Variants in ADAM22 observed in about 807,000 individuals in gnomAD.
The protein encoded by ADAM22 is disintegrin and metalloproteinase domain-containing protein 22.
A neutral mutation model predicts 144.6 loss-of-function variants in ADAM22; 65 were observed. The ratio of observed to expected loss-of-function variants is 0.45; its 90% CI spans 0.37 to 0.55. The LOEUF (loss-of-function observed/expected upper bound fraction) is 0.55. Among genes scored for constraint, ADAM22 ranks in the 20% least tolerant of loss-of-function variants. The pLI, the probability that ADAM22 is intolerant of heterozygous loss-of-function variation, is 0.00. For missense variants in ADAM22, 974 were observed against 1,184.9 expected (o/e 0.82, Z 2.61); for synonymous variants, 391 against 412.6 (o/e 0.95, Z 0.63).
intron 2 of ADAM22, among the ~76,000 whole-genome samples, chr7:87,952,625 T>A (rs1031586552): frequency 1.2e-3 from 177 of 151,940 alleles, no homozygotes; most frequent in Middle Eastern, 3.4e-3. Flanking sequence ...TGTCTCTGCC[T>A]GGCTTTGGTA....
chr7:88,199,176 T>TTTTGGAGAGAAAC lies in ADAM22; in HGVS notation c.*2690_*2702dup, dbSNP rs1416904401. ...AGCATTATTTCTCTTTAAATATCTA[T>TTTTGGAGAGAAAC]TTTGGAGAGAAACTTTGAGGCCGTA... On this transcript the variant is annotated 3_prime_UTR_variant, in exon 32 of 32. Transcript: ENST00000413139. The TTTTGGAGAGAAAC allele has an allele frequency of 6.6e-6, 1 of 152,228 alleles. No homozygotes were observed. The highest frequency in any genetic ancestry group is 2.4e-5 in the African/African-American group (1 of 41,456). The allele number at this position is 152,228 out of a possible 1,614,324, so 9.4% of individuals were successfully genotyped here.
chr7:88,129,525 C>A (rs1352994722), intron 9 of ADAM22, among the ~76,000 whole-genome samples: 3 of 152,016 alleles, frequency 2.0e-5, no homozygotes, highest in Non-Finnish European at 4.4e-5. Context: ...CTTGTTCAAG[C>A]TAGGTCTAAG....
chr7:88,031,034 T>C (rs1800134361), intron 3 of ADAM22, among the ~76,000 whole-genome samples: 1 of 152,102 alleles, frequency 6.6e-6, no homozygotes, highest in South Asian at 2.1e-4. Context: ...GAGAATGGCG[T>C]GAACCTGGGA....
At chr7:87,989,092 A>T (rs1789138648) in intron 3 of ADAM22, among the ~76,000 whole-genome samples, 1 of 152,240 alleles carries the variant, frequency 6.6e-6, no homozygotes, top group African/African-American at 2.4e-5. Context: ...TTATGCCTTA[A>T]TCAGAGATGT....
At chr7:87,976,283 T>C (rs550462791) in intron 2 of ADAM22, among the ~76,000 whole-genome samples, 1 of 152,302 alleles carries the variant, frequency 6.6e-6, no homozygotes, top group African/African-American at 2.4e-5. Flanking sequence ...CCAACATGAC[T>C]GTGTTTGGAG....
Position 88,201,486 on chromosome 7 carries a change from ACAAG to A in ADAM22, c.*4996_*4999del, listed in dbSNP as rs1851199326. On this transcript the variant is annotated 3_prime_UTR_variant, in exon 32 of 32. Transcript: ENST00000413139. The stretch of plus-strand genomic sequence containing the variant: ...GATATGCAGGAGAGCACACATTGTC[ACAAG>A]GGGTGTGGTGGGAAGAGAGGTGCTG... 1.3e-5 allele frequency: 2 copies of A among 152,334 alleles called. No homozygotes were observed. The highest frequency in any genetic ancestry group is 1.3e-4 in the Admixed American group (2 of 15,286). The allele number at this position is 152,334 out of a possible 1,614,324, so 9.4% of individuals were successfully genotyped here.
intron 3 of ADAM22, among the ~76,000 whole-genome samples, chr7:88,001,418 A>G (rs930403435): frequency 6.6e-6 from 1 of 152,154 alleles, no homozygotes; most frequent in Admixed American, 6.5e-5. Context: ...GGCATTCAAA[A>G]AGTTTTGAAT....
In ADAM22 at chr7:87,989,923, GA is replaced by G. The variant is rs545049148; in HGVS notation, c.323+11522del. Among the ~76,000 whole-genome samples the G allele has an allele frequency of 2.6e-4, 38 of 143,600 alleles. 1 individual carries two copies. The highest frequency in any genetic ancestry group is 7.0e-3 in the Middle Eastern group (2 of 284). The allele number at this position is 143,600 out of a possible 152,430, so 94.2% of individuals were successfully genotyped here. On this transcript the variant is annotated intron_variant, in intron 3 of 31. Transcript: ENST00000413139. ...TGACAGAGTGAGACTCCATCTCAAA[GA>G]AAAAAAAAAAGAATTATTTATATTC...
chr7:88,127,215 A>G (rs1248611165), intron 8 of ADAM22, among the ~76,000 whole-genome samples: 1 of 152,012 alleles, frequency 6.6e-6, no homozygotes, highest in African/African-American at 2.4e-5. Flanking sequence ...CTGAAAGAAT[A>G]GGACAATATT....
chr7:88,135,547 A>T (rs539811279), intron 13 of ADAM22, among the ~76,000 whole-genome samples: 1 of 152,094 alleles, frequency 6.6e-6, no homozygotes, highest in Non-Finnish European at 1.5e-5. Context: ...CCTAACCAAT[A>T]ATATATTACA....
At chr7:88,155,818 G>A in intron 21 of ADAM22, 69 bp from the exon 22 acceptor site, 1 of 1,533,054 alleles carries the variant, frequency 6.5e-7, no homozygotes, top group Admixed American at 2.0e-5. Context: ...AATGAGAGAA[G>A]ATTATTCTAA....
At chr7:87,966,521 G>T (rs1208260135) in intron 2 of ADAM22, among the ~76,000 whole-genome samples, 1 of 152,076 alleles carries the variant, frequency 6.6e-6, no homozygotes, top group Non-Finnish European at 1.5e-5. Flanking sequence ...CTTCCTGAAT[G>T]GAGATGAGAA....
chr7:88,149,076 G>T lies in ADAM22; in HGVS notation c.1566+19G>T, dbSNP rs776882672. ...AAGCCAGGTAATTTACAAAATAACT[G>T]CTCTAAAACTTATGGGAAAAAGTGG... On this transcript the variant is annotated intron_variant, in intron 18 of 31. Transcript: ENST00000413139. The T allele has an allele frequency of 5.6e-6, 9 of 1,595,286 alleles. No homozygotes were observed. The highest frequency in any genetic ancestry group is 5.5e-5 in the South Asian group (5 of 90,292).
At chr7:87,937,290 G>A (rs1841467589) in intron 2 of ADAM22, among the ~76,000 whole-genome samples, 1 of 152,140 alleles carries the variant, frequency 6.6e-6, no homozygotes, top group Admixed American at 6.5e-5. Context: ...GTCTTTTAAT[G>A]TGTGGTTCTT....
In ADAM22 at chr7:88,144,076, A is replaced by C. The variant is rs564983036; in HGVS notation, c.1320+951A>C. On this transcript the variant is annotated intron_variant, in intron 15 of 31. Coordinates refer to ENST00000413139, the MANE Select transcript of ADAM22 (RefSeq NM_001324418.2). ...TTGTTATGATCAGTTTCGACCAAAAATGAAATATAGACAAAAGTTGACTCA... is the reference window on the plus strand; with the variant it reads ...TTGTTATGATCAGTTTCGACCAAAACTGAAATATAGACAAAAGTTGACTCA... Among the ~76,000 whole-genome samples the C allele has an allele frequency of 6.6e-5, 10 of 152,358 alleles. No homozygotes were observed. The East Asian group carries it at 1.9e-3, about 29-fold the overall frequency.
chr7:88,160,885 G>A (rs1841426757), intron 22 of ADAM22, among the ~76,000 whole-genome samples: 1 of 152,016 alleles, frequency 6.6e-6, no homozygotes, highest in Non-Finnish European at 1.5e-5. Flanking sequence ...AACACCGTGT[G>A]TTCTCACTCA....
chr7:87,972,062 A>C (rs1018825607), intron 2 of ADAM22, among the ~76,000 whole-genome samples: 5 of 152,108 alleles, frequency 3.3e-5, no homozygotes, highest in African/African-American at 9.7e-5. Context: ...TATTCAACAT[A>C]GTGTTGGAAG....
At chr7:88,087,162 A>G (rs1379555603) in intron 4 of ADAM22, among the ~76,000 whole-genome samples, 1 of 152,198 alleles carries the variant, frequency 6.6e-6, no homozygotes, top group Non-Finnish European at 1.5e-5. Context: ...TATACAATGT[A>G]CACCATACAT....
intron 2 of ADAM22, among the ~76,000 whole-genome samples, chr7:87,944,437 A>T (rs776797148): frequency 6.6e-6 from 1 of 152,134 alleles, no homozygotes; most frequent in Non-Finnish European, 1.5e-5. Context: ...GTGGATTTTT[A>T]ATGCCTTTGG....
Sources: allele counts gnomAD v4.1 joint callset (sites outside exome capture counted in the v4.1 genomes callset), GRCh38; gene constraint gnomAD v4.1.1; transcripts MANE v1.5; gene names NCBI Gene and HGNC (gene_info 2026-07-23, HGNC 2026-07-21).